The following SOS2 variants were observed in gnomAD, a reference collection of about 807,000 sequenced individuals.
The protein encoded by SOS2 is son of sevenless homolog 2.
In SOS2, 65 loss-of-function variants were observed where a neutral mutation model predicts 148.2. The observed-to-expected ratio is 0.44, with a 90% confidence interval of 0.36 to 0.54. The LOEUF is 0.54. Ranked by LOEUF, SOS2 falls within the 20% of genes least tolerant of loss-of-function variation. The probability of loss-of-function intolerance (pLI) is 0.00; values close to 1 mark genes in which losing one functional copy is unlikely to be tolerated. For synonymous variants in SOS2, 539 were observed against 537.1 expected (o/e 1.00, Z -0.05); for missense variants, 1,341 against 1,590.2 (o/e 0.84, Z 2.67).
chr14:50,208,230 G>A (rs540371896), intron 1 of SOS2, among the ~76,000 whole-genome samples: 2 of 151,886 alleles, frequency 1.3e-5, no homozygotes, highest in African/African-American at 4.8e-5. Flanking sequence ...CCGGGAGGCG[G>A]AGGTTGCAGT....
At chr14:50,219,796 C>T (rs1232775848) in intron 1 of SOS2, among the ~76,000 whole-genome samples, 10 of 152,116 alleles carry the variant, frequency 6.6e-5, no homozygotes, top group Non-Finnish European at 1.5e-4. Context: ...ATTGAAACCA[C>T]AGCTGCATAC....
chr14:50,172,432 TTC>T (rs56098733), intron 8 of SOS2, among the ~76,000 whole-genome samples: 2,583 of 143,350 alleles, frequency 0.018, 158 homozygotes, highest in Non-Finnish European at 0.026. Context: ...TTTTTTTTTT[TTC>T]TGAGATGGAG....
At chr14:50,133,249 C>CTTTTTTTTTTTTTTTTTTTTTTTT (rs1175960937) in intron 19 of SOS2, among the ~76,000 whole-genome samples, 1 of 105,636 alleles carries the variant, frequency 9.5e-6, no homozygotes, top group Non-Finnish European at 1.7e-5. Flanking sequence ...TTTCTTTTTT[C>CTTTTTTTTTTTTTTTTTTTTTTTT]TTTTTTTTTT....
At position 50,164,282 on chromosome 14, in the gene SOS2, A is replaced by G. The variant is rs557683731; in HGVS notation, c.1069-2673T>C. Among the ~76,000 whole-genome samples, 8 of 152,164 alleles carry G rather than the reference A, an allele frequency of 5.3e-5. No homozygotes were observed. In the East Asian group the frequency reaches 1.5e-3, roughly 29 times the overall value. On this transcript the variant is annotated intron_variant, in intron 8 of 22. Transcript: ENST00000216373. ...CGGAGAAACCTTGTCTCTACAAAAA[A>G]TACAAAAATTAGCCGGGCGTGGTGA...
At position 50,178,672 on chromosome 14, in the gene SOS2, A is replaced by ATGTGTGTG. The variant is rs1885614308; in HGVS notation, c.969+1899_969+1900insCACACACA. Among the ~76,000 whole-genome samples, 4 of 2,846 alleles carry ATGTGTGTG rather than the reference A, an allele frequency of 1.4e-3. 1 individual carries two copies. The highest frequency in any genetic ancestry group is 3.3e-3 in the South Asian group (1 of 304). The allele number at this position is 2,846 out of a possible 152,430, so 1.9% of individuals were successfully genotyped here. A position where few individuals can be genotyped will look rare whatever the true frequency, so the allele number is the denominator to read the frequency against. ...AGTGTGTGTGTGTGTGTGTGTGTGC[A>ATGTGTGTG]TATATATATATATATATATATATAT... On this transcript the variant is annotated intron_variant, in intron 7 of 22. Coordinates refer to ENST00000216373, the MANE Select transcript of SOS2 (RefSeq NM_006939.4).
intron 13 of SOS2, among the ~76,000 whole-genome samples, chr14:50,152,149 G>T (rs1884679010): frequency 6.6e-6 from 1 of 152,208 alleles, no homozygotes; most frequent in Admixed American, 6.5e-5. Flanking sequence ...TCCCCTTAAA[G>T]AACAAGTAGA....
intron 1 of SOS2, among the ~76,000 whole-genome samples, chr14:50,206,162 G>A (rs1445910237): frequency 6.6e-6 from 1 of 151,896 alleles, no homozygotes; most frequent in Non-Finnish European, 1.5e-5. Flanking sequence ...TATTTCTTCT[G>A]CTTTTTATGT....
intron 5 of SOS2, among the ~76,000 whole-genome samples, chr14:50,186,282 T>C (rs1885908517): frequency 6.6e-6 from 1 of 152,202 alleles, no homozygotes; most frequent in South Asian, 2.1e-4. Context: ...TTTTCTGTCA[T>C]ATCAGCACTA....
chr14:50,123,380 C>CT (rs34222143), intron 21 of SOS2, among the ~76,000 whole-genome samples: 97,340 of 118,434 alleles, frequency 0.82, 40,381 homozygotes, highest in East Asian at 0.88. Context: ...CACCAGAGGG[C>CT]TTTTTTTTTT....
chr14:50,118,253 A>T lies in SOS2; in HGVS notation c.*91T>A. The T allele has an allele frequency of 3.7e-6, 4 of 1,084,220 alleles. No individual in the cohort carries two copies. Among genetic ancestry groups the T allele is most frequent in the Non-Finnish European group, 5.3e-6 (4 of 755,968 alleles). The allele number at this position is 1,084,220 out of a possible 1,614,324, so 67.2% of individuals were successfully genotyped here. On this transcript the variant is annotated 3_prime_UTR_variant, in exon 23 of 23. Coordinates refer to ENST00000216373, the MANE Select transcript of SOS2 (RefSeq NM_006939.4). Reference sequence around the variant, plus strand: ...TTTTTGTAAGAGCATTATTTGTAAAAAGTACTAAAATACTATGTCTTTTTT... The same window carrying T: ...TTTTTGTAAGAGCATTATTTGTAAATAGTACTAAAATACTATGTCTTTTTT...
intron 4 of SOS2, among the ~76,000 whole-genome samples, chr14:50,195,579 T>C (rs962872122): frequency 5.3e-5 from 8 of 152,048 alleles, no homozygotes; most frequent in African/African-American, 1.4e-4. Context: ...CTGGGCAACA[T>C]AGCAAGACCC....
At chr14:50,174,783 T>C (rs887056937) in intron 7 of SOS2, among the ~76,000 whole-genome samples, 2 of 152,218 alleles carry the variant, frequency 1.3e-5, no homozygotes, top group Non-Finnish European at 2.9e-5. Context: ...GTGGCTAAAA[T>C]AGCTTTCACA....
chr14:50,131,385 TCTCA>T (rs1424321411), intron 19 of SOS2, among the ~76,000 whole-genome samples: 14 of 152,210 alleles, frequency 9.2e-5, no homozygotes, highest in African/African-American at 3.4e-4. Context: ...CCCCTTGGAA[TCTCA>T]CTATTTTCCT....
At chr14:50,198,718 G>A (rs1465142848) in intron 4 of SOS2, among the ~76,000 whole-genome samples, 4 of 152,182 alleles carry the variant, frequency 2.6e-5, no homozygotes, top group Non-Finnish European at 4.4e-5. Context: ...GGCCTCACCC[G>A]TGCTAAAGTT....
chr14:50,182,066 A>G (rs1383339655), intron 6 of SOS2, among the ~76,000 whole-genome samples: 4 of 151,962 alleles, frequency 2.6e-5, no homozygotes, highest in African/African-American at 7.2e-5. Flanking sequence ...TTCACTATAA[A>G]TATTGCCATA....
At chr14:50,140,490 G>A (rs1451096707) in intron 16 of SOS2, among the ~76,000 whole-genome samples, 2 of 152,168 alleles carry the variant, frequency 1.3e-5, no homozygotes, top group African/African-American at 4.8e-5. Context: ...AGTGAATGAA[G>A]TAAACTAGCA....
chr14:50,137,373 C>A (rs2180251), intron 18 of SOS2, among the ~76,000 whole-genome samples: 137,680 of 152,182 alleles, frequency 0.9, 62,515 homozygotes, highest in African/African-American at 0.98. Context: ...CTACATGTAA[C>A]ATTATCTAAA....
At chr14:50,228,154 G>A (rs553599536) in intron 1 of SOS2, among the ~76,000 whole-genome samples, 22 of 150,928 alleles carry the variant, frequency 1.5e-4, no homozygotes, top group Admixed American at 1.2e-3. Flanking sequence ...TGATTCTCCT[G>A]CCTCAGCCTC....
chr14:50,226,321 C>T (rs1416556093), intron 1 of SOS2, among the ~76,000 whole-genome samples: 2 of 152,154 alleles, frequency 1.3e-5, no homozygotes, highest in Non-Finnish European at 2.9e-5. Flanking sequence ...TGCTTAAAGT[C>T]TTCTTTGACT....
Sources: gnomAD v4.1 joint callset for allele counts (sites outside exome capture counted in the v4.1 genomes callset) on GRCh38, gnomAD v4.1.1 for gene constraint, MANE v1.5 for transcripts, NCBI Gene and HGNC (gene_info 2026-07-23, HGNC 2026-07-21) for gene names.